The following SV2B variants were observed in gnomAD, a reference collection of about 807,000 sequenced individuals.
The protein encoded by SV2B is solute carrier family 22 member B2.
SV2B carries 41 observed loss-of-function variants against 73.9 expected under a neutral mutation model. The observed-to-expected ratio is 0.56, with a 90% CI of 0.43 to 0.72. SV2B has a LOEUF of 0.72. SV2B is among the 30% of genes least tolerant of loss of function. The pLI, the probability that SV2B is intolerant of heterozygous loss-of-function variation, is 0.00. For missense variants in SV2B, 764 were observed against 857.8 expected, an observed-to-expected ratio of 0.89 and a Z score of 1.37; for synonymous variants, 314 against 314.2, an observed-to-expected ratio of 1.00 and a Z score of 0.01.
intron 12 of SV2B, among the ~76,000 whole-genome samples, chr15:91,291,792 G>A (rs887930110): frequency 3.9e-5 from 6 of 152,202 alleles, no homozygotes; most frequent in African/African-American, 1.4e-4. Context: ...AAGGGGAACA[G>A]AGCAAAAGGC....
intron 1 of SV2B, among the ~76,000 whole-genome samples, chr15:91,179,821 A>T (rs2044476306): frequency 6.6e-6 from 1 of 152,098 alleles, no homozygotes; most frequent in Non-Finnish European, 1.5e-5. Flanking sequence ...AATACAGCAC[A>T]CTGATGGGTC....
chr15:91,224,354 C>T lies in SV2B; in HGVS notation c.-391-1519C>T, dbSNP rs939761085. 1.3e-5 allele frequency among the ~76,000 whole-genome samples: 2 copies of T among 151,782 alleles called. No homozygotes were observed. Among genetic ancestry groups the T allele is most frequent in the South Asian group, 2.1e-4 (1 of 4,820 alleles). On this transcript the variant is annotated intron_variant, in intron 1 of 12. Transcript: ENST00000394232. This position sits in a 1 kb window ranked among gnomAD's most constrained non-coding sequence, Gnocchi z 4.9. Reference sequence around the variant, plus strand: ...TCTGGTAGCCTCAATGTGTGAGGTCCGAGCATTATCCCTATCAGAGGGTCC... The same window carrying T: ...TCTGGTAGCCTCAATGTGTGAGGTCTGAGCATTATCCCTATCAGAGGGTCC...
At chr15:91,209,118 T>TG in intron 1 of SV2B, among the ~76,000 whole-genome samples, 1 of 133,520 alleles carries the variant, frequency 7.5e-6, no homozygotes, top group Non-Finnish European at 1.5e-5. Context: ...TTTTTTGTTT[T>TG]TTTTTTTTTT....
chr15:91,209,275 C>T (rs1322894730), intron 1 of SV2B, among the ~76,000 whole-genome samples: 1 of 152,026 alleles, frequency 6.6e-6, no homozygotes, highest in Non-Finnish European at 1.5e-5. Flanking sequence ...GCATGTGCCA[C>T]CATGCCCAGC....
At chr15:91,108,475 G>T (rs537719852) in intron 1 of SV2B, among the ~76,000 whole-genome samples, 1 of 152,340 alleles carries the variant, frequency 6.6e-6, no homozygotes, top group South Asian at 2.1e-4. Context: ...CTTCTGGAAA[G>T]GTCTGTGGTT....
rs1377799156 is a variant in SV2B, at chr15:91,294,709, T to C, written c.*2157T>C. 3 of 152,226 alleles carry C rather than the reference T, an allele frequency of 2.0e-5. No individual in the cohort carries two copies. The highest frequency in any genetic ancestry group is 4.4e-5 in the Non-Finnish European group (3 of 68,048). The allele number at this position is 152,226 out of a possible 1,614,324, so 9.4% of individuals were successfully genotyped here. A position where few individuals can be genotyped will look rare whatever the true frequency, so the allele number is the denominator to read the frequency against. Reference sequence around the variant, plus strand: ...ACTTGCAGGACAGTTAGAGCCTGCATTTCTAGTTAAGATGGATCTTGTAAA... The same window carrying C: ...ACTTGCAGGACAGTTAGAGCCTGCACTTCTAGTTAAGATGGATCTTGTAAA... On this transcript the variant is annotated 3_prime_UTR_variant, in exon 13 of 13. Coordinates refer to ENST00000394232, the MANE Select transcript of SV2B (RefSeq NM_001323032.3). This position sits in a 1 kb window ranked among gnomAD's most constrained non-coding sequence, Gnocchi z 4.1.
chr15:91,256,633 G>A (rs11073989), intron 4 of SV2B, among the ~76,000 whole-genome samples: 49,635 of 152,048 alleles, frequency 0.33, 8,337 homozygotes, highest in African/African-American at 0.39. Context: ...TAAAATTAAA[G>A]TGAACGAACA....
In SV2B at chr15:91,122,653, C is replaced by T. The variant is rs2042371388; in HGVS notation, c.-392+22290C>T. Among the ~76,000 whole-genome samples the T allele has an allele frequency of 6.6e-6, 1 of 152,204 alleles. No individual in the cohort carries two copies. The highest frequency in any genetic ancestry group is 2.1e-4 in the South Asian group (1 of 4,828). ...ATACTTTGCACCTGGGGCTCATCTT[C>T]CCCAATCATTTGTCTGTTCTTAGTC... On this transcript the variant is annotated intron_variant, in intron 1 of 12. Transcript: ENST00000394232. The surrounding 1 kb of genome is among the most constrained non-coding windows in gnomAD (Gnocchi z 4.3).
intron 1 of SV2B, among the ~76,000 whole-genome samples, chr15:91,207,740 G>C (rs2141410773): frequency 6.6e-6 from 1 of 152,298 alleles, no homozygotes; most frequent in African/African-American, 2.4e-5. Context: ...GGGAATCTGT[G>C]TATTTTTATG....
rs1336008071 is a variant in SV2B at position 91,232,955 on chromosome 15, G to A, written c.451+6241G>A. 6.6e-6 allele frequency among the ~76,000 whole-genome samples: 1 copy of A among 152,190 alleles called. No individual in the cohort carries two copies. Among genetic ancestry groups the A allele is most frequent in the African/African-American group, 2.4e-5 (1 of 41,450 alleles). ...GCTCGCTTATAAGTGAGAACATGCA[G>A]TGTTTAGTTTTCTACTCCTGCATTA... On this transcript the variant is annotated intron_variant, in intron 2 of 12. Coordinates refer to ENST00000394232, the MANE Select transcript of SV2B (RefSeq NM_001323032.3). This position sits in a 1 kb window ranked among gnomAD's most constrained non-coding sequence, Gnocchi z 4.7.
chr15:91,284,191 A>T lies in SV2B; in HGVS notation c.1678A>T (p.Met560Leu). Residue 560 changes from methionine (M) to leucine (L), a missense_variant, in exon 11 of 13, where the codon ATG becomes TTG. Transcript: ENST00000394232. This position sits in a 1 kb window ranked among gnomAD's most constrained non-coding sequence, Gnocchi z 4.5. ...CGGGAACATCATTTCTGCCCTGCTC[A>T]TGGATAGAATTGGAAGGCTCAAGAT... ...LPGNIISALL[M>L]DRIGRLKMIG... is the part of the protein sequence containing the mutation. 4 of 1,614,178 alleles carry T rather than the reference A, an allele frequency of 2.5e-6. No individual in the cohort carries two copies. The highest frequency in any genetic ancestry group is 4.5e-5 in the East Asian group (2 of 44,886).
intron 6 of SV2B, among the ~76,000 whole-genome samples, chr15:91,264,870 G>T (rs1179705987): frequency 2.0e-5 from 3 of 152,146 alleles, no homozygotes; most frequent in African/African-American, 7.2e-5. Flanking sequence ...ATGCGTGCCA[G>T]TTACTAAGCT....
chr15:91,154,139 T>C (rs1182502102), intron 1 of SV2B, among the ~76,000 whole-genome samples: 2 of 147,954 alleles, frequency 1.4e-5, no homozygotes, highest in Non-Finnish European at 3.0e-5. Context: ...TAATATTTGA[T>C]ATTAATTTAT....
intron 9 of SV2B, among the ~76,000 whole-genome samples, chr15:91,269,740 G>A (rs1049251049): frequency 3.3e-5 from 5 of 152,208 alleles, no homozygotes; most frequent in African/African-American, 1.2e-4. Context: ...GTGAGAAAGT[G>A]TGCAATAAAA....
chr15:91,155,708 GAA>G (rs1034704958), intron 1 of SV2B, among the ~76,000 whole-genome samples: 1 of 151,614 alleles, frequency 6.6e-6, no homozygotes, highest in Non-Finnish European at 1.5e-5. Flanking sequence ...TTTATGAAAA[GAA>G]AAAAAACTGG....
chr15:91,232,929 C>T lies in SV2B; in HGVS notation c.451+6215C>T, dbSNP rs1250295755. ...TATGTCACGAATACCCAATATTTAG[C>T]GCTCGCTTATAAGTGAGAACATGCA... is the stretch of plus-strand genomic sequence containing the variant. On this transcript the variant is annotated intron_variant, in intron 2 of 12. Transcript: ENST00000394232. This position sits in a 1 kb window ranked among gnomAD's most constrained non-coding sequence, Gnocchi z 4.7. Among the ~76,000 whole-genome samples the T allele has an allele frequency of 2.0e-5, 3 of 152,124 alleles. No homozygotes were observed. Among genetic ancestry groups the T allele is most frequent in the South Asian group, 2.1e-4 (1 of 4,826 alleles).
At chr15:91,266,492 A>C (rs1379282656) in intron 6 of SV2B, 90 bp from the exon 7 acceptor site, 2 of 1,018,284 alleles carry the variant, frequency 2.0e-6, no homozygotes, top group Non-Finnish European at 3.0e-6. Context: ...CTAGTCCTAA[A>C]TCAGTTTAAA....
At position 91,232,577 on chromosome 15, in the gene SV2B, C is replaced by A. The variant is rs190851626; in HGVS notation, c.451+5863C>A. ...GGTACTGAGAGTGCTTCTAGAGGAG[C>A]GGAATTTTGAGGATGAGTTGTCTGA... On this transcript the variant is annotated intron_variant, in intron 2 of 12. Coordinates refer to ENST00000394232, the MANE Select transcript of SV2B (RefSeq NM_001323032.3). The surrounding 1 kb of genome is among the most constrained non-coding windows in gnomAD (Gnocchi z 4.7). Among the ~76,000 whole-genome samples the A allele has an allele frequency of 3.4e-4, 52 of 152,096 alleles. 1 individual carries two copies. In the East Asian group the frequency reaches 9.5e-3, roughly 28 times the overall value.
At chr15:91,157,086 C>A (rs1171380072) in intron 1 of SV2B, among the ~76,000 whole-genome samples, 6 of 152,158 alleles carry the variant, frequency 3.9e-5, no homozygotes, top group African/African-American at 1.4e-4. Flanking sequence ...ACACTGAAAT[C>A]ATGGGAGCAG....
Sources: allele counts gnomAD v4.1 joint callset (sites outside exome capture counted in the v4.1 genomes callset), GRCh38; gene constraint gnomAD v4.1.1; non-coding constraint Gnocchi (gnomAD v3.1); transcripts MANE v1.5; gene names NCBI Gene and HGNC (gene_info 2026-07-23, HGNC 2026-07-21).